Variants in KCNK2 observed in about 807,000 individuals in gnomAD.
The protein encoded by KCNK2 is potassium two pore domain channel subfamily K member 2, also known as potassium channel subfamily K member 2.
A neutral mutation model predicts 40.5 loss-of-function variants in KCNK2; 21 were observed. That is an observed-to-expected ratio of 0.52 (90% confidence interval 0.37 to 0.75). The LOEUF is 0.75. Ranked by LOEUF, KCNK2 falls within the 30% of genes least tolerant of loss-of-function variation. The pLI is 0.00. For missense variants in KCNK2, 399 were observed against 531.6 expected (o/e 0.75, Z 2.45); for synonymous variants, 191 against 202.2 (o/e 0.94, Z 0.47).
intron 6 of KCNK2, among the ~76,000 whole-genome samples, chr1:215,231,146 T>C (rs1666646650): frequency 6.6e-6 from 1 of 152,192 alleles, no homozygotes. Flanking sequence ...TCATTCTTTG[T>C]CCAACTTATT....
intron 1 of KCNK2, among the ~76,000 whole-genome samples, chr1:215,030,347 G>T (rs1558062300): frequency 6.6e-6 from 1 of 152,096 alleles, no homozygotes; most frequent in East Asian, 1.9e-4. Flanking sequence ...CCCAGCTTGT[G>T]GCTTGTCTTT....
At chr1:215,147,140 GTCT>G (rs1288179950) in intron 3 of KCNK2, among the ~76,000 whole-genome samples, 4 of 152,068 alleles carry the variant, frequency 2.6e-5, no homozygotes, top group Admixed American at 6.5e-5. Flanking sequence ...ATTTGTATGG[GTCT>G]TCTTTTTAAT....
At chr1:215,173,953 G>C (rs555167461) in intron 5 of KCNK2, among the ~76,000 whole-genome samples, 32 of 152,280 alleles carry the variant, frequency 2.1e-4, no homozygotes, top group African/African-American at 7.7e-4. Context: ...TTCTTTTGCT[G>C]TGCAGAAGCT....
rs1163429470 is a variant in KCNK2 at position 215,007,650 on chromosome 1, A to G, written c.34+1695A>G. Among the ~76,000 whole-genome samples, 3 of 152,210 alleles carry G rather than the reference A, an allele frequency of 2.0e-5. No homozygotes were observed. In the East Asian group the frequency reaches 5.8e-4, roughly 30 times the overall value. The stretch of plus-strand genomic sequence containing the variant: ...TGTCCTTCTGCTGCCACAAGTAGGA[A>G]ACAAAAATGCTGTATATGTGATTTG... On this transcript the variant is annotated intron_variant, in intron 1 of 6. Coordinates refer to the KCNK2 transcript ENST00000391895.
Position 215,139,290 on chromosome 1 carries a change from A to T in KCNK2, c.475+14540A>T, listed in dbSNP as rs113673800. 2.0e-3 allele frequency among the ~76,000 whole-genome samples: 306 copies of T among 152,298 alleles called. 3 individuals carry two copies. Among genetic ancestry groups the T allele is most frequent in the African/African-American group, 7.0e-3 (293 of 41,566 alleles). On this transcript the variant is annotated intron_variant, in intron 3 of 6. Transcript: ENST00000444842. ...GTGTGTCTATAATTAATATAGATAC[A>T]TTCCTTTGTTATACAAGTGAAGCTC...
At chr1:215,031,277 G>T (rs1169153179) in intron 1 of KCNK2, among the ~76,000 whole-genome samples, 1 of 152,140 alleles carries the variant, frequency 6.6e-6, no homozygotes, top group Non-Finnish European at 1.5e-5. Flanking sequence ...TGGGATTTTG[G>T]TCAGGATGGC....
chr1:215,159,563 T>C (rs1185509375), intron 3 of KCNK2, among the ~76,000 whole-genome samples: 1 of 152,204 alleles, frequency 6.6e-6, no homozygotes, highest in Non-Finnish European at 1.5e-5. Context: ...CCTTGCTATA[T>C]ATGTAATACA....
chr1:215,174,106 C>T (rs1376880795), intron 5 of KCNK2, among the ~76,000 whole-genome samples: 2 of 152,076 alleles, frequency 1.3e-5, no homozygotes, highest in Non-Finnish European at 2.9e-5. Context: ...AGTTTTAGGT[C>T]TAACATTTAA....
chr1:215,187,614 A>C (rs1664496702), intron 5 of KCNK2, among the ~76,000 whole-genome samples: 1 of 152,082 alleles, frequency 6.6e-6, no homozygotes. Flanking sequence ...CCAACCTAAC[A>C]CAATTTAAAA....
At chr1:215,015,529 G>T (rs2102473630) in intron 1 of KCNK2, among the ~76,000 whole-genome samples, 1 of 152,160 alleles carries the variant, frequency 6.6e-6, no homozygotes, top group Admixed American at 6.5e-5. Context: ...ACCTGAGATG[G>T]ATAATTAATT....
chr1:215,085,920 A>G (rs1185881508), intron 1 of KCNK2, among the ~76,000 whole-genome samples: 1 of 152,194 alleles, frequency 6.6e-6, no homozygotes, highest in Non-Finnish European at 1.5e-5. Context: ...TGTTCTTTAT[A>G]TTGCTTGCTT....
chr1:215,116,897 A>T (rs61818320), intron 2 of KCNK2, among the ~76,000 whole-genome samples: 27,566 of 151,900 alleles, frequency 0.18, 3,315 homozygotes, highest in South Asian at 0.45. Flanking sequence ...TCAGTCTCTA[A>T]GTGTAGTATG....
At chr1:215,007,950 T>C (rs1656243730) in intron 1 of KCNK2, among the ~76,000 whole-genome samples, 1 of 152,124 alleles carries the variant, frequency 6.6e-6, no homozygotes, top group African/African-American at 2.4e-5. Context: ...CAATTCTAAT[T>C]AAAACAAGGC....
chr1:215,221,378 G>GAAAC (rs540107294), intron 6 of KCNK2, among the ~76,000 whole-genome samples: 2 of 151,844 alleles, frequency 1.3e-5, no homozygotes, highest in South Asian at 2.1e-4. Context: ...CATCTCAAAA[G>GAAAC]AAACAAACAA....
chr1:215,044,990 G>A (rs974209265), intron 1 of KCNK2, among the ~76,000 whole-genome samples: 2 of 142,752 alleles, frequency 1.4e-5, no homozygotes, highest in African/African-American at 5.3e-5. Context: ...CTAACACGGT[G>A]AAACCGCGTC....
At chr1:215,044,402 C>T (rs1304067896) in intron 1 of KCNK2, among the ~76,000 whole-genome samples, 1 of 152,056 alleles carries the variant, frequency 6.6e-6, no homozygotes, top group African/African-American at 2.4e-5. Flanking sequence ...TGTCTCAATA[C>T]TCCCTTTGGA....
Position 215,203,549 on chromosome 1 carries a change from T to A in KCNK2, c.963+8457T>A, listed in dbSNP as rs1378709688. ...AAGACTATATATATATATAATATCA[T>A]CATATATTGTTCTATGTAGAACATA... On this transcript the variant is annotated intron_variant, in intron 6 of 6. Transcript: ENST00000444842. Among the ~76,000 whole-genome samples the A allele has an allele frequency of 3.3e-5, 5 of 151,952 alleles. No homozygotes were observed. In the South Asian group the frequency reaches 1.0e-3, roughly 31 times the overall value.
At chr1:215,093,167 AG>A (rs1659765237) in intron 2 of KCNK2, among the ~76,000 whole-genome samples, 1 of 151,912 alleles carries the variant, frequency 6.6e-6, no homozygotes, top group Non-Finnish European at 1.5e-5. Context: ...ATGTGGTTCC[AG>A]GAGCACTTCA....
chr1:215,130,716 T>C (rs976282421), intron 3 of KCNK2, among the ~76,000 whole-genome samples: 26 of 152,100 alleles, frequency 1.7e-4, no homozygotes, highest in African/African-American at 6.3e-4. Context: ...GATGTTGACT[T>C]GAACTAAGGA....
Sources: allele counts gnomAD v4.1 joint callset (sites outside exome capture counted in the v4.1 genomes callset), GRCh38; gene constraint gnomAD v4.1.1; transcripts MANE v1.5; gene names NCBI Gene and HGNC (gene_info 2026-07-23, HGNC 2026-07-21).